Variants in CDIN1 observed in about 807,000 individuals in gnomAD.
CDIN1 encodes the protein CDAN1 interacting nuclease 1, also known as CDAN1-interacting nuclease 1.
A neutral mutation model predicts 45.3 loss-of-function variants in CDIN1; 33 were observed. The ratio of observed to expected loss-of-function variants is 0.73; its 90% confidence interval spans 0.55 to 0.97. The LOEUF (loss-of-function observed/expected upper bound fraction) is 0.97. Ranked by LOEUF, CDIN1 falls within the 50% of genes least tolerant of loss-of-function variation. The pLI is 0.00. For synonymous variants in CDIN1, 118 were observed against 124.4 expected (o/e 0.95, Z 0.34); for missense variants, 303 against 339.4 (o/e 0.89, Z 0.84).
At chr15:36,740,672 C>T (rs1472108019) in intron 10 of CDIN1, among the ~76,000 whole-genome samples, 3 of 152,134 alleles carry the variant, frequency 2.0e-5, no homozygotes, top group Non-Finnish European at 2.9e-5. Flanking sequence ...GTGGATCACC[C>T]GAGGTCGGGA....
At chr15:36,687,608 A>G (rs2140677402) in intron 5 of CDIN1, among the ~76,000 whole-genome samples, 1 of 152,264 alleles carries the variant, frequency 6.6e-6, no homozygotes. Context: ...CAGGCACCCA[A>G]CAGTATAGTC....
intron 10 of CDIN1, among the ~76,000 whole-genome samples, chr15:36,802,925 C>T (rs1566986414): frequency 1.3e-5 from 2 of 152,100 alleles, no homozygotes; most frequent in Non-Finnish European, 2.9e-5. Context: ...TTTAAAAATA[C>T]ATTAACAGCT....
chr15:36,682,265 G>A (rs2041876734), intron 5 of CDIN1, among the ~76,000 whole-genome samples: 1 of 152,248 alleles, frequency 6.6e-6, no homozygotes, highest in Middle Eastern at 3.4e-3. Flanking sequence ...TGAGACACAG[G>A]AAGAGCCAAG....
chr15:36,786,626 C>T (rs1486848325), intron 10 of CDIN1, among the ~76,000 whole-genome samples: 1 of 152,130 alleles, frequency 6.6e-6, no homozygotes, highest in African/African-American at 2.4e-5. Context: ...GAAGGCTGCC[C>T]ATCCCACATC....
intron 1 of CDIN1, among the ~76,000 whole-genome samples, chr15:36,640,267 A>G (rs1296750107): frequency 6.6e-6 from 1 of 152,074 alleles, no homozygotes; most frequent in African/African-American, 2.4e-5. Context: ...GGGGAGGTCA[A>G]GAGATTGTAG....
At position 36,645,233 on chromosome 15, in the gene CDIN1, A is replaced by G; in HGVS notation, c.158A>G (p.Lys53Arg). 6.4e-7 allele frequency: 1 copy of G among 1,552,292 alleles called. No individual in the cohort carries two copies. Among genetic ancestry groups the G allele is most frequent in the South Asian group, 1.2e-5 (1 of 84,140 alleles). ...IFSQEYQKHI[K>R]RTHAKHHTSE... ...TTTTTTTTCTTTCAGAAACACATTA[A>G]AAGAACACATGCCAAACATCATACT... Residue 53 changes from lysine (K) to arginine (R), a missense_variant, in exon 3 of 11, where the codon AAA becomes AGA. Coordinates refer to ENST00000566621, the MANE Select transcript of CDIN1 (RefSeq NM_001321759.2).
chr15:36,583,556 AC>A (rs1227736020), intron 1 of CDIN1, among the ~76,000 whole-genome samples: 2 of 152,144 alleles, frequency 1.3e-5, no homozygotes, highest in Admixed American at 1.3e-4. Context: ...CTACAGTTTT[AC>A]CATACAGTAA....
chr15:36,683,254 A>G (rs1318243576), intron 5 of CDIN1, among the ~76,000 whole-genome samples: 1 of 148,696 alleles, frequency 6.7e-6, no homozygotes, highest in African/African-American at 2.5e-5. Flanking sequence ...TGATTTTTGT[A>G]TAAGGTGTAA....
chr15:36,712,259 G>GTTT (rs2043079316), intron 10 of CDIN1, among the ~76,000 whole-genome samples: 1 of 106,534 alleles, frequency 9.4e-6, no homozygotes, highest in African/African-American at 3.6e-5. Context: ...ATAGACTAAT[G>GTTT]CTTTTTTTTT....
intron 10 of CDIN1, among the ~76,000 whole-genome samples, chr15:36,791,027 T>C (rs6495874): frequency 0.97 from 147,888 of 152,252 alleles, 71,963 homozygotes; most frequent in Middle Eastern, 1. Context: ...TAGGTCCCAG[T>C]GTCTGTTGTT....
chr15:36,802,760 A>C (rs1450969874), intron 10 of CDIN1, among the ~76,000 whole-genome samples: 2 of 152,168 alleles, frequency 1.3e-5, no homozygotes, highest in South Asian at 2.1e-4. Flanking sequence ...AGAGAGTTAC[A>C]GGAAACCTTG....
At position 36,788,098 on chromosome 15, in the gene CDIN1, ATATATATATTTTTT is replaced by A. The variant is rs540716061; in HGVS notation, c.717-20224_717-20211del. Among the ~76,000 whole-genome samples, 14 of 34,032 alleles carry A rather than the reference ATATATATATTTTTT, an allele frequency of 4.1e-4. No homozygotes were observed. In the South Asian group the frequency reaches 4.1e-3, roughly 10 times the overall value. 22.3% of individuals were successfully genotyped at this position (34,032 alleles called of 152,430 possible). On this transcript the variant is annotated intron_variant, in intron 10 of 10. Coordinates refer to ENST00000566621, the MANE Select transcript of CDIN1 (RefSeq NM_001321759.2). ...TACATATATATATATATATATATAT[ATATATATATTTTTT>A]TTTTTTTTTTTTTTTTTTTTTGAGA...
chr15:36,583,843 C>T (rs137906648), intron 1 of CDIN1, among the ~76,000 whole-genome samples: 1,787 of 152,144 alleles, frequency 0.012, 33 homozygotes, highest in Non-Finnish European at 0.014. Flanking sequence ...AGTGAAACCC[C>T]GTCTCTACTA....
At chr15:36,598,942 G>A (rs978600105) in intron 1 of CDIN1, among the ~76,000 whole-genome samples, 1 of 152,084 alleles carries the variant, frequency 6.6e-6, no homozygotes, top group Non-Finnish European at 1.5e-5. Flanking sequence ...CTTTGGATGG[G>A]AGCTGTGTGC....
intron 10 of CDIN1, among the ~76,000 whole-genome samples, chr15:36,786,443 C>T (rs150392582): frequency 5.3e-4 from 80 of 152,198 alleles, no homozygotes; most frequent in African/African-American, 1.7e-3. Context: ...GTGTACTTCC[C>T]CTGAGTGGAC....
At chr15:36,779,432 A>G (rs2054296918) in intron 10 of CDIN1, among the ~76,000 whole-genome samples, 1 of 152,100 alleles carries the variant, frequency 6.6e-6, no homozygotes, top group Non-Finnish European at 1.5e-5. Flanking sequence ...TTTCCTGGAG[A>G]CTATAGCCCA....
At chr15:36,779,060 G>C (rs1383512103) in intron 10 of CDIN1, among the ~76,000 whole-genome samples, 1 of 151,978 alleles carries the variant, frequency 6.6e-6, no homozygotes, top group Non-Finnish European at 1.5e-5. Flanking sequence ...AGTCTTGATG[G>C]ACTACAAAAT....
intron 10 of CDIN1, among the ~76,000 whole-genome samples, chr15:36,760,277 T>C (rs1339317106): frequency 6.6e-6 from 1 of 152,314 alleles, no homozygotes; most frequent in East Asian, 1.9e-4. Flanking sequence ...GTCAACATTT[T>C]CATTCTCTTC....
chr15:36,687,997 G>A (rs1476490643), intron 5 of CDIN1, among the ~76,000 whole-genome samples: 3 of 152,056 alleles, frequency 2.0e-5, no homozygotes, highest in Non-Finnish European at 2.9e-5. Flanking sequence ...CAAAATTGTG[G>A]CATGTAGCTA....
Sources: allele counts gnomAD v4.1 joint callset (sites outside exome capture counted in the v4.1 genomes callset), GRCh38; gene constraint gnomAD v4.1.1; transcripts MANE v1.5; gene names NCBI Gene and HGNC (gene_info 2026-07-23, HGNC 2026-07-21).